The following TCF20 variants were observed in gnomAD, a reference collection of about 807,000 sequenced individuals.
TCF20 encodes SPRE-binding protein.
A neutral mutation model predicts 148.6 loss-of-function variants in TCF20; 3 were observed. The observed-to-expected ratio is 0.02, with a 90% CI of 0.01 to 0.05. TCF20 has a LOEUF of 0.05. Among genes scored for constraint, TCF20 ranks in the 10% least tolerant of loss-of-function variants. The pLI is 1.00. For synonymous variants in TCF20, 1,049 were observed against 909.5 expected (o/e 1.15, Z -2.76); for missense variants, 2,350 against 2,429.3 (o/e 0.97, Z 0.69).
chr22:42,204,072 TAATC>T (rs917587331), intron 2 of TCF20, among the ~76,000 whole-genome samples: 20 of 152,376 alleles, frequency 1.3e-4, no homozygotes, highest in African/African-American at 4.8e-4. Flanking sequence ...TTTCATAATG[TAATC>T]AATCTATTTT....
intron 1 of TCF20, among the ~76,000 whole-genome samples, chr22:42,318,855 G>A (rs981890533): frequency 6.6e-6 from 1 of 152,194 alleles, no homozygotes; most frequent in East Asian, 1.9e-4. Flanking sequence ...ATGCCTGGGT[G>A]TGTGGGGTGC....
chr22:42,184,634 G>A (rs917329019), intron 2 of TCF20, among the ~76,000 whole-genome samples: 3 of 152,054 alleles, frequency 2.0e-5, no homozygotes, highest in African/African-American at 7.3e-5. Context: ...CCAAGCAGAG[G>A]TAAGTCCATA....
At chr22:42,293,856 C>T (rs377180116) in intron 1 of TCF20, among the ~76,000 whole-genome samples, 1 of 152,134 alleles carries the variant, frequency 6.6e-6, no homozygotes. Flanking sequence ...AAAAATTAGC[C>T]GGGTGTGGTG....
In TCF20 at chr22:42,213,713, G is replaced by A. The variant is rs1214082706; in HGVS notation, c.1593C>T (p.Gly531=). 27 of 1,613,864 alleles carry A rather than the reference G, an allele frequency of 1.7e-5. No individual in the cohort carries two copies. Among genetic ancestry groups the A allele is most frequent in the Non-Finnish European group, 2.3e-5 (27 of 1,179,940 alleles). The change falls in exon 2 of 6, where the codon GGC becomes GGT. Residue 531 remains glycine (G), a synonymous_variant. Coordinates refer to ENST00000677622, the MANE Select transcript of TCF20 (RefSeq NM_001378418.1). ...GGCCACTTAGTTGCCGCACTCTCTC[G>A]CCTTGATCCTCTGAACTGCTGGAGC... ...GGCSSSSEDQ[G]ERVRQLSGQS...
rs756867858 is a variant in TCF20, at chr22:42,211,659, T to C, written c.3647A>G (p.His1216Arg). Residue 1216 changes from histidine (H) to arginine (R), a missense_variant, in exon 2 of 6, where the codon CAT becomes CGT. This residue lies in a region of TCF20 where 1,641 missense variants were observed against 1,662.6 expected (regional missense o/e 0.99). Coordinates refer to ENST00000677622, the MANE Select transcript of TCF20 (RefSeq NM_001378418.1). ...MSSQKRYGPP[H>R]ETDGHGLAEA... Reference sequence around the variant, plus strand: ...AGCTAGTCCATGTCCATCAGTCTCATGGGGCGGCCCATACCTTTTTTGACT... The same window carrying C: ...AGCTAGTCCATGTCCATCAGTCTCACGGGGCGGCCCATACCTTTTTTGACT... The C allele has an allele frequency of 4.3e-6, 7 of 1,614,210 alleles. No homozygotes were observed. The highest frequency in any genetic ancestry group is 1.7e-5 in the Admixed American group (1 of 60,022).
chr22:42,260,116 T>G (rs527546450), intron 1 of TCF20, among the ~76,000 whole-genome samples: 2 of 152,284 alleles, frequency 1.3e-5, no homozygotes, highest in South Asian at 4.1e-4. Context: ...TGAACCTGAA[T>G]GACAAACAGA....
intron 1 of TCF20, among the ~76,000 whole-genome samples, chr22:42,337,428 T>G (rs1601711594): frequency 6.6e-6 from 1 of 152,180 alleles, no homozygotes; most frequent in Non-Finnish European, 1.5e-5. Flanking sequence ...CACTTCTGCT[T>G]ACAAGCCCTG....
At chr22:42,288,117 T>C (rs751539018), upstream of TCF20, among the ~76,000 whole-genome samples, 12 of 152,102 alleles carry the variant, frequency 7.9e-5, no homozygotes, top group Non-Finnish European at 1.6e-4. Context: ...AGTGCTGGCC[T>C]GGCGTGGTGG....
chr22:42,219,533 A>G (rs1374607534), intron 1 of TCF20, among the ~76,000 whole-genome samples: 1 of 151,890 alleles, frequency 6.6e-6, no homozygotes, highest in African/African-American at 2.4e-5. Context: ...CCTCAAAGGA[A>G]TAAGTCACCT....
intron 1 of TCF20, among the ~76,000 whole-genome samples, chr22:42,294,987 C>T (rs546290552): frequency 4.6e-5 from 7 of 152,322 alleles, no homozygotes; most frequent in South Asian, 2.1e-4. Context: ...AGGAAACCTA[C>T]GCGCTGCCTA....
At chr22:42,342,252 C>T (rs940001180) in intron 1 of TCF20, among the ~76,000 whole-genome samples, 3 of 151,890 alleles carry the variant, frequency 2.0e-5, no homozygotes, top group Admixed American at 1.3e-4. Flanking sequence ...GAGGAGGGGC[C>T]GGTACGTCCA....
intron 3 of TCF20, among the ~76,000 whole-genome samples, chr22:42,175,376 C>T (rs572210752): frequency 6.6e-6 from 1 of 152,084 alleles, no homozygotes; most frequent in Non-Finnish European, 1.5e-5. Flanking sequence ...GAGTCTCGCT[C>T]TGTTGCCAGG....
intron 1 of TCF20, among the ~76,000 whole-genome samples, chr22:42,261,990 C>A (rs772174042): frequency 6.6e-6 from 1 of 151,806 alleles, no homozygotes; most frequent in Non-Finnish European, 1.5e-5. Flanking sequence ...GACTCCATCT[C>A]GAAAAAAGTT....
At chr22:42,331,928 T>C (rs1050590775) in intron 1 of TCF20, among the ~76,000 whole-genome samples, 9 of 152,302 alleles carry the variant, frequency 5.9e-5, no homozygotes, top group East Asian at 1.9e-4. Flanking sequence ...TAGAGACAGA[T>C]GGATATTCCT....
intron 1 of TCF20, among the ~76,000 whole-genome samples, chr22:42,310,586 G>A (rs561031430): frequency 2.6e-5 from 4 of 152,320 alleles, no homozygotes; most frequent in Admixed American, 1.3e-4. Flanking sequence ...CCCTGAGGAG[G>A]AAAGGAGTAT....
chr22:42,165,281 C>T (rs1429028502), intron 5 of TCF20, among the ~76,000 whole-genome samples: 4 of 152,246 alleles, frequency 2.6e-5, no homozygotes, highest in African/African-American at 9.6e-5. Flanking sequence ...CGCCCCGTTC[C>T]CTGCCTTGCT....
At chr22:42,337,312 TC>T (rs1928084260) in intron 1 of TCF20, among the ~76,000 whole-genome samples, 2 of 149,654 alleles carry the variant, frequency 1.3e-5, no homozygotes, top group Non-Finnish European at 3.0e-5. Flanking sequence ...TACCTCCCCC[TC>T]CTGCCTGTCC....
At chr22:42,166,909 G>C (rs900996500) in intron 5 of TCF20, among the ~76,000 whole-genome samples, 1 of 152,160 alleles carries the variant, frequency 6.6e-6, no homozygotes, top group African/African-American at 2.4e-5. Flanking sequence ...AAGGCACAGT[G>C]ACACCCTCAG....
intron 1 of TCF20, among the ~76,000 whole-genome samples, chr22:42,305,419 C>T (rs150502848): frequency 6.6e-6 from 1 of 152,262 alleles, no homozygotes; most frequent in East Asian, 1.9e-4. Flanking sequence ...AAACACTCCA[C>T]ACTTGCCACT....
Sources: allele counts gnomAD v4.1 joint callset (sites outside exome capture counted in the v4.1 genomes callset), GRCh38; gene constraint gnomAD v4.1.1; regional missense constraint gnomAD v4.1.1; transcripts MANE v1.5; gene names NCBI Gene and HGNC (gene_info 2026-07-23, HGNC 2026-07-21).